OXR1: variants seen among roughly 807,000 people sequenced by gnomAD.
OXR1 encodes the protein oxidation resistance protein 1.
In OXR1, 41 loss-of-function variants were observed where a neutral mutation model predicts 104.6. The observed-to-expected ratio is 0.39, with a 90% CI of 0.31 to 0.51. OXR1 has a LOEUF of 0.51. Ranked by LOEUF, OXR1 falls within the 20% of genes least tolerant of loss-of-function variation. OXR1 has a pLI of 0.77. For missense variants in OXR1, 955 were observed against 1,031.9 expected (o/e 0.93, Z 1.02); for synonymous variants, 348 against 348.4 (o/e 1.00, Z 0.01).
rs1188750136 is a variant in OXR1 at position 106,679,183 on chromosome 8, A to T, written c.221-27A>T. 3.7e-6 allele frequency: 5 copies of T among 1,365,692 alleles called. No homozygotes were observed. The South Asian group carries it at 5.9e-5, about 16-fold the overall frequency. 84.6% of individuals were successfully genotyped at this position (1,365,692 alleles called of 1,614,324 possible). A position where few individuals can be genotyped will look rare whatever the true frequency, so the allele number is the denominator to read the frequency against. ...ATTACTCTGAAAGAAAGATGAATTT[A>T]ATAGGAATTTTGCCTTTTTTTCCCA... On this transcript the variant is annotated intron_variant, in intron 3 of 16. Transcript: ENST00000517566.
chr8:106,550,630 T>C (rs145396313), intron 3 of OXR1, among the ~76,000 whole-genome samples: 261 of 152,228 alleles, frequency 1.7e-3, no homozygotes, highest in Non-Finnish European at 3.0e-3. Flanking sequence ...TCTCATGAGA[T>C]CTGATGGTTT....
intron 11 of OXR1, among the ~76,000 whole-genome samples, chr8:106,714,433 A>G (rs1332927785): frequency 6.6e-6 from 1 of 152,044 alleles, no homozygotes; most frequent in Non-Finnish European, 1.5e-5. Context: ...ACAAATTACT[A>G]CTCCTTTCTA....
intron 3 of OXR1, among the ~76,000 whole-genome samples, chr8:106,676,197 T>C (rs1827574028): frequency 6.6e-6 from 1 of 152,206 alleles, no homozygotes; most frequent in African/African-American, 2.4e-5. Flanking sequence ...TTTGAGCCTA[T>C]GTCTGTCATT....
intron 2 of OXR1, among the ~76,000 whole-genome samples, chr8:106,511,301 A>C (rs1342578019): frequency 6.6e-6 from 1 of 152,188 alleles, no homozygotes; most frequent in Non-Finnish European, 1.5e-5. Context: ...GTAACTTGAG[A>C]CTTTTGCAGC....
intron 2 of OXR1, among the ~76,000 whole-genome samples, chr8:106,426,282 T>TGACTCTAAAG (rs1819115576): frequency 6.6e-6 from 1 of 152,190 alleles, no homozygotes; most frequent in South Asian, 2.1e-4. Flanking sequence ...AATTGATACC[T>TGACTCTAAAG]GCCTCTAAAG....
At chr8:106,743,182 C>T (rs1344813864) in intron 15 of OXR1, among the ~76,000 whole-genome samples, 1 of 152,118 alleles carries the variant, frequency 6.6e-6, no homozygotes, top group African/African-American at 2.4e-5. Context: ...AAATAAAGCT[C>T]AACATCACTG....
chr8:106,560,809 C>T (rs573278354), intron 3 of OXR1, among the ~76,000 whole-genome samples: 2 of 152,206 alleles, frequency 1.3e-5, no homozygotes, highest in South Asian at 2.1e-4. Context: ...ATGGAGGTAC[C>T]GAGTTCATCT....
intron 3 of OXR1, among the ~76,000 whole-genome samples, chr8:106,559,279 A>T (rs534040545): frequency 2.0e-5 from 3 of 152,298 alleles, no homozygotes; most frequent in African/African-American, 7.2e-5. Flanking sequence ...AATGGCATGT[A>T]CTGTCCATAT....
At chr8:106,510,895 TG>T (rs1812480277) in intron 2 of OXR1, among the ~76,000 whole-genome samples, 1 of 152,206 alleles carries the variant, frequency 6.6e-6, no homozygotes. Flanking sequence ...AACACCAATT[TG>T]AATTCCCAAA....
chr8:106,649,556 GAA>G (rs34066181), intron 3 of OXR1, among the ~76,000 whole-genome samples: 2 of 123,124 alleles, frequency 1.6e-5, no homozygotes, highest in Non-Finnish European at 1.7e-5. Context: ...TACTTTTTTG[GAA>G]AAAAAAAAAA....
chr8:106,582,679 A>C, intron 3 of OXR1, among the ~76,000 whole-genome samples: 1 of 152,204 alleles, frequency 6.6e-6, no homozygotes, highest in Admixed American at 6.5e-5. Context: ...AGTAGTGAAA[A>C]AAGCTTATTA....
At chr8:106,597,688 T>G (rs1819635753) in intron 3 of OXR1, among the ~76,000 whole-genome samples, 1 of 152,212 alleles carries the variant, frequency 6.6e-6, no homozygotes, top group Non-Finnish European at 1.5e-5. Flanking sequence ...ATTTCCATAT[T>G]CTAGGTGAAA....
rs763365311 is a variant in OXR1, at chr8:106,739,574, A to G, written c.2154A>G (p.Gln718=). The change falls in exon 13 of 17, where the codon CAA becomes CAG. Residue 718 remains glutamine (Q), a synonymous_variant. Transcript: ENST00000517566. ...CCAGTGAACTTTTACTGCCAGATCA[A>G]ATTGAAAAGGTATGACATGCTCACA... The part of the protein sequence containing the change: ...SDPSELLLPD[Q]IEKLTKHLPP... The G allele has an allele frequency of 6.2e-7, 1 of 1,613,242 alleles. No individual in the cohort carries two copies. Among genetic ancestry groups the G allele is most frequent in the Non-Finnish European group, 8.5e-7 (1 of 1,179,606 alleles).
intron 2 of OXR1, among the ~76,000 whole-genome samples, chr8:106,431,030 A>C (rs1328179534): frequency 1.3e-5 from 2 of 152,154 alleles, no homozygotes; most frequent in East Asian, 3.9e-4. Context: ...GAAGCCTTTC[A>C]GTTTCTACAC....
chr8:106,279,542 TAA>T, intron 1 of OXR1, among the ~76,000 whole-genome samples: 1 of 152,312 alleles, frequency 6.6e-6, no homozygotes, highest in African/African-American at 2.4e-5. Flanking sequence ...TATGCACTTT[TAA>T]AAAGTTTTCC....
intron 3 of OXR1, among the ~76,000 whole-genome samples, chr8:106,639,927 G>C (rs1368398210): frequency 6.6e-6 from 1 of 152,082 alleles, no homozygotes; most frequent in African/African-American, 2.4e-5. Flanking sequence ...AGTATGGTAA[G>C]GTAAGTATAA....
At chr8:106,354,229 A>G (rs942786675) in intron 1 of OXR1, among the ~76,000 whole-genome samples, 2 of 152,158 alleles carry the variant, frequency 1.3e-5, no homozygotes, top group African/African-American at 4.8e-5. Flanking sequence ...GGAAACCAGA[A>G]AACAAGAAAG....
chr8:106,506,341 C>T (rs1333697366), intron 2 of OXR1, among the ~76,000 whole-genome samples: 5 of 152,256 alleles, frequency 3.3e-5, no homozygotes, highest in Admixed American at 6.5e-5. Context: ...TGGCCAGGCG[C>T]GGTGGCTCAC....
chr8:106,740,240 A>G (rs779783291), intron 13 of OXR1, 103 bp from the exon 14 acceptor site: 34 of 710,406 alleles, frequency 4.8e-5, no homozygotes, highest in Non-Finnish European at 7.4e-5. Context: ...ATTTATTTTT[A>G]TAGCCTATAT....
Sources: gnomAD v4.1 joint callset for allele counts (sites outside exome capture counted in the v4.1 genomes callset) on GRCh38, gnomAD v4.1.1 for gene constraint, MANE v1.5 for transcripts, NCBI Gene and HGNC (gene_info 2026-07-23, HGNC 2026-07-21) for gene names.